The following ZC3HAV1 variants were observed in gnomAD, a reference collection of about 807,000 sequenced individuals.
ZC3HAV1 encodes zinc finger CCCH-type antiviral protein 1.
ZC3HAV1 carries 41 observed loss-of-function variants against 86.6 expected under a neutral mutation model. That is an observed-to-expected ratio of 0.47 (90% CI 0.37 to 0.61). ZC3HAV1 has a LOEUF of 0.61. Ranked by LOEUF, ZC3HAV1 falls within the 20% of genes least tolerant of loss-of-function variation. ZC3HAV1 has a pLI of 0.00. For missense variants in ZC3HAV1, 964 were observed against 1,141.1 expected, an observed-to-expected ratio of 0.84 and a Z score of 2.24; for synonymous variants, 421 against 432.1, an observed-to-expected ratio of 0.97 and a Z score of 0.32.
chr7:139,072,196 C>CT (rs569833688), intron 7 of ZC3HAV1, among the ~76,000 whole-genome samples: 7,706 of 148,278 alleles, frequency 0.052, 212 homozygotes, highest in Non-Finnish European at 0.064. Flanking sequence ...CCTGCATTAT[C>CT]TTTTTTTTTT....
chr7:139,069,366 C>A (rs1018415130), intron 7 of ZC3HAV1, among the ~76,000 whole-genome samples: 1 of 152,172 alleles, frequency 6.6e-6, no homozygotes, highest in African/African-American at 2.4e-5. Context: ...TCAATGATTG[C>A]CTCAACCTTG....
In ZC3HAV1 at chr7:139,079,857, G is replaced by A; in HGVS notation, c.1084C>T (p.Leu362Phe). 6.2e-7 allele frequency: 1 copy of A among 1,614,122 alleles called. No homozygotes were observed. ...NSTSAPNWKSLTSWTNDQGAR... is the reference protein window; with the variant it reads ...NSTSAPNWKSFTSWTNDQGAR... ...CCTTGGTCATTCGTCCAGGATGTGA[G>A]GCTCTTCCAGTTGGGGGCTGATGTT... Residue 362 changes from leucine (L) to phenylalanine (F), a missense_variant, in exon 4 of 13, where the codon CTC becomes TTC. By Grantham distance (22) the Leu-to-Phe change is conservative. Transcript: ENST00000242351.
chr7:139,076,507 GC>G (rs1241825612), intron 5 of ZC3HAV1, 98 bp from the exon 6 acceptor site: 1 of 1,506,410 alleles, frequency 6.6e-7, no homozygotes, highest in East Asian at 2.3e-5. Context: ...TGCCTGCCCT[GC>G]CCCCTGCCAG....
chr7:139,059,559 G>C (rs1291426304), intron 9 of ZC3HAV1, among the ~76,000 whole-genome samples: 2 of 151,706 alleles, frequency 1.3e-5, no homozygotes, highest in East Asian at 3.9e-4. Flanking sequence ...AGAGGTTGCA[G>C]TGAGCCGAAA....
At chr7:139,079,046 A>G (rs968326891) in intron 4 of ZC3HAV1, 1 of 1,528,144 alleles carries the variant, frequency 6.5e-7, no homozygotes, top group Non-Finnish European at 8.7e-7. Context: ...ACCACCAGCC[A>G]TAGCCACTCT....
At chr7:139,074,591 G>T (rs573001941) in intron 6 of ZC3HAV1, among the ~76,000 whole-genome samples, 4 of 151,590 alleles carry the variant, frequency 2.6e-5, no homozygotes, top group Non-Finnish European at 5.9e-5. Context: ...ACATTAATTT[G>T]CAAAAATATA....
rs1230633481 is a variant in ZC3HAV1 at position 139,073,976 on chromosome 7, A to C, written c.1752T>G (p.Phe584Leu). The change falls in exon 7 of 13, where the codon TTT (phenylalanine) becomes TTG (leucine). Residue 584 changes from phenylalanine (F) to leucine (L), a missense_variant. By Grantham distance (22) the Phe-to-Leu change is conservative. Coordinates refer to ENST00000242351, the MANE Select transcript of ZC3HAV1 (RefSeq NM_020119.4). ...INFRVMSCDS[F>L]PIRRLSTPSS... ...AAGGAGTGGAGAGGCGTCGGATGGG[A>C]AAGGAATCACAACTCATTACCCGAA... The C allele has an allele frequency of 6.2e-7, 1 of 1,613,886 alleles. No homozygotes were observed. Among genetic ancestry groups the C allele is most frequent in the South Asian group, 1.1e-5 (1 of 91,068 alleles).
Position 139,061,148 on chromosome 7 carries a change from GA to G in ZC3HAV1, c.1994-11del, listed in dbSNP as rs575252206. ...TTTGTCTGAATCATCCCTTTGGACA[GA>G]AAAAAAAATAAAAGCAGTGAGAATC... is the stretch of plus-strand genomic sequence containing the variant. On this transcript the variant is annotated splice_polypyrimidine_tract_variant and intron_variant, in intron 8 of 12. Coordinates refer to ENST00000242351, the MANE Select transcript of ZC3HAV1 (RefSeq NM_020119.4). 4.2e-5 allele frequency: 65 copies of G among 1,558,642 alleles called. No individual in the cohort carries two copies. Among genetic ancestry groups the G allele is most frequent in the Middle Eastern group, 1.7e-4 (1 of 5,848 alleles).
intron 6 of ZC3HAV1, among the ~76,000 whole-genome samples, 189 bp from the exon 7 acceptor site, chr7:139,074,219 G>A (rs1816868862): frequency 6.6e-6 from 1 of 152,160 alleles, no homozygotes; most frequent in Non-Finnish European, 1.5e-5. Flanking sequence ...TGACTCGCCT[G>A]CACCACATAA....
rs10250460 is a variant in ZC3HAV1 at position 139,047,158 on chromosome 7, C to T, written c.*436G>A. On this transcript the variant is annotated 3_prime_UTR_variant, in exon 13 of 13. Coordinates refer to ENST00000242351, the MANE Select transcript of ZC3HAV1 (RefSeq NM_020119.4). ...CCTGGGCAACACAGTGAAACCCTGTCTCTACTAAAAAATACAAAAAATTAG... is the reference window on the plus strand; with the variant it reads ...CCTGGGCAACACAGTGAAACCCTGTTTCTACTAAAAAATACAAAAAATTAG... The T allele has an allele frequency of 0.47, 94,284 of 198,642 alleles. 22,923 individuals are homozygous for T. The highest frequency in any genetic ancestry group is 0.5 in the Non-Finnish European group (49,472 of 99,200). 12.3% of individuals were successfully genotyped at this position (198,642 alleles called of 1,614,324 possible).
Position 139,047,372 on chromosome 7 carries a change from G to A in ZC3HAV1, c.*222C>T, listed in dbSNP as rs951714373. ...AAAAATACAACTGCCTGGCGCTGAC[G>A]CCCAGAAATGATTTCATTGGCATGG... On this transcript the variant is annotated 3_prime_UTR_variant, in exon 13 of 13. Coordinates refer to ENST00000242351, the MANE Select transcript of ZC3HAV1 (RefSeq NM_020119.4). The A allele has an allele frequency of 6.6e-5, 32 of 487,558 alleles. No individual in the cohort carries two copies. Among genetic ancestry groups the A allele is most frequent in the African/African-American group, 6.1e-4 (29 of 47,918 alleles). 30.2% of individuals were successfully genotyped at this position (487,558 alleles called of 1,614,324 possible).
At chr7:139,082,136 G>T (rs893291578) in intron 3 of ZC3HAV1, among the ~76,000 whole-genome samples, 1 of 151,942 alleles carries the variant, frequency 6.6e-6, no homozygotes, top group East Asian at 1.9e-4. Flanking sequence ...GTGGTGGCAG[G>T]CACCTGTAAT....
intron 7 of ZC3HAV1, among the ~76,000 whole-genome samples, chr7:139,067,614 T>C (rs1816643945): frequency 6.6e-6 from 1 of 152,152 alleles, no homozygotes; most frequent in Non-Finnish European, 1.5e-5. Flanking sequence ...GGGTACAATG[T>C]ACATTATTCA....
At chr7:139,077,568 C>T (rs1331375623) in intron 5 of ZC3HAV1, among the ~76,000 whole-genome samples, 2 of 152,064 alleles carry the variant, frequency 1.3e-5, no homozygotes, top group East Asian at 1.9e-4. Flanking sequence ...TCATGCCCTA[C>T]CTTAATTATA....
intron 1 of ZC3HAV1, among the ~76,000 whole-genome samples, chr7:139,095,516 G>A (rs947954021): frequency 6.6e-6 from 1 of 152,230 alleles, no homozygotes; most frequent in African/African-American, 2.4e-5. Flanking sequence ...AGAAAATGGT[G>A]AACCTAAGGC....
At chr7:139,054,163 T>C in intron 10 of ZC3HAV1, 68 bp from the exon 11 acceptor site, 2 of 1,406,796 alleles carry the variant, frequency 1.4e-6, no homozygotes, top group Non-Finnish European at 1.9e-6. Flanking sequence ...TCCACATATG[T>C]GCCCCCTTAT....
In ZC3HAV1 at chr7:139,109,670, T is replaced by C. The variant is rs1563145667; in HGVS notation, c.-339A>G. 1 of 245,034 alleles carries C rather than the reference T, an allele frequency of 4.1e-6. No homozygotes were observed. The highest frequency in any genetic ancestry group is 2.2e-5 in the African/African-American group (1 of 44,568). 15.2% of individuals were successfully genotyped at this position (245,034 alleles called of 1,614,324 possible). Reference sequence around the variant, plus strand: ...GTTCTAGGCTCGGCGAGGGTGAGGTTCTCCAGCCGGGCTCCGCGAGCCTTC... The same window carrying C: ...GTTCTAGGCTCGGCGAGGGTGAGGTCCTCCAGCCGGGCTCCGCGAGCCTTC... On this transcript the variant is annotated 5_prime_UTR_variant, in exon 1 of 13. Transcript: ENST00000242351.
At chr7:139,081,084 G>A (rs992034250) in intron 3 of ZC3HAV1, among the ~76,000 whole-genome samples, 1 of 152,158 alleles carries the variant, frequency 6.6e-6, no homozygotes, top group Non-Finnish European at 1.5e-5. Flanking sequence ...CCTTCTGGAA[G>A]CAGGGAGGAA....
At chr7:139,082,727 A>C (rs1185620597) in intron 3 of ZC3HAV1, among the ~76,000 whole-genome samples, 2 of 152,216 alleles carry the variant, frequency 1.3e-5, no homozygotes, top group African/African-American at 4.8e-5. Context: ...CCAGTCAGAA[A>C]AGGATAAATA....
Sources: allele counts gnomAD v4.1 joint callset (sites outside exome capture counted in the v4.1 genomes callset), GRCh38; gene constraint gnomAD v4.1.1; transcripts MANE v1.5; gene names NCBI Gene and HGNC (gene_info 2026-07-23, HGNC 2026-07-21).